Variants in CMSS1 observed in about 807,000 individuals in gnomAD.
CMSS1 encodes cms1 ribosomal small subunit homolog.
In CMSS1, 33 loss-of-function variants were observed where a neutral mutation model predicts 43.5. That is an observed-to-expected ratio of 0.76 (90% CI 0.57 to 1.01). The LOEUF (loss-of-function observed/expected upper bound fraction) is 1.01, where lower values mean the gene tolerates loss of function less well. Ranked by LOEUF, CMSS1 falls within the 50% of genes least tolerant of loss-of-function variation. CMSS1 has a pLI of 0.00. For synonymous variants in CMSS1, 115 were observed against 117.2 expected, an observed-to-expected ratio of 0.98 and a Z score of 0.12; for missense variants, 313 against 326.4, an observed-to-expected ratio of 0.96 and a Z score of 0.32.
chr3:100,048,526 G>A (rs2107310831), intron 1 of CMSS1, among the ~76,000 whole-genome samples: 1 of 152,290 alleles, frequency 6.6e-6, no homozygotes, highest in African/African-American at 2.4e-5. Flanking sequence ...ATATCTGTGG[G>A]TGCAAAGTTA....
chr3:99,957,772 A>G (rs536263929), intron 1 of CMSS1, among the ~76,000 whole-genome samples: 2 of 136,532 alleles, frequency 1.5e-5, no homozygotes, highest in South Asian at 4.5e-4. Context: ...GGTTCCATTC[A>G]GTGATATAAA....
At position 99,845,580 on chromosome 3, in the gene CMSS1, A is replaced by G. The variant is rs80186365; in HGVS notation, c.64+27537A>G. On this transcript the variant is annotated intron_variant, in intron 1 of 9. Coordinates refer to ENST00000421999, the MANE Select transcript of CMSS1 (RefSeq NM_032359.4). The stretch of plus-strand genomic sequence containing the variant: ...GGGGGAGTTCTATGATTATCTGTCA[A>G]TGAAAAAGGAAGTTCTGTAATCTTC... 6.8e-4 allele frequency among the ~76,000 whole-genome samples: 103 copies of G among 152,274 alleles called. 1 individual carries two copies. Among genetic ancestry groups the G allele is most frequent in the East Asian group, 5.8e-3 (30 of 5,186 alleles).
intron 1 of CMSS1, among the ~76,000 whole-genome samples, chr3:100,081,443 A>T (rs2065930339): frequency 1.3e-5 from 2 of 152,182 alleles, no homozygotes; most frequent in African/African-American, 4.8e-5. Context: ...TGTCAATGCT[A>T]GTCTCTTAGA....
intron 1 of CMSS1, among the ~76,000 whole-genome samples, chr3:99,821,814 G>C (rs1488348382): frequency 6.6e-6 from 1 of 152,180 alleles, no homozygotes; most frequent in Non-Finnish European, 1.5e-5. Flanking sequence ...GGGAGGCCAA[G>C]GTGGGCAGAT....
intron 1 of CMSS1, among the ~76,000 whole-genome samples, chr3:99,847,493 T>C (rs1348079219): frequency 6.6e-6 from 1 of 152,174 alleles, no homozygotes; most frequent in African/African-American, 2.4e-5. Context: ...AATGTAACTA[T>C]ATTTCCAAAT....
At chr3:99,818,779 C>T (rs151104651) in intron 1 of CMSS1, among the ~76,000 whole-genome samples, 1 of 152,300 alleles carries the variant, frequency 6.6e-6, no homozygotes, top group East Asian at 1.9e-4. Context: ...ATTCAGTTAA[C>T]ACAATTTGAA....
chr3:100,158,775 A>G (rs2066997811), intron 2 of CMSS1, among the ~76,000 whole-genome samples: 1 of 152,200 alleles, frequency 6.6e-6, no homozygotes. Flanking sequence ...TAAAGAGTCC[A>G]TATTCTTACA....
At chr3:99,991,649 G>A (rs1709513008) in intron 1 of CMSS1, among the ~76,000 whole-genome samples, 1 of 151,744 alleles carries the variant, frequency 6.6e-6, no homozygotes, top group Non-Finnish European at 1.5e-5. Context: ...ATTCTACTCT[G>A]TATGTCCATG....
intron 1 of CMSS1, among the ~76,000 whole-genome samples, chr3:99,900,057 G>A (rs1236906078): frequency 1.3e-5 from 2 of 152,204 alleles, no homozygotes; most frequent in Middle Eastern, 3.2e-3. Flanking sequence ...ATGTGAAAGC[G>A]ATTTGAAAAG....
At chr3:100,108,059 G>A (rs935145461) in intron 1 of CMSS1, among the ~76,000 whole-genome samples, 9 of 152,158 alleles carry the variant, frequency 5.9e-5, no homozygotes, top group African/African-American at 1.2e-4. Context: ...ATACCTGTCC[G>A]TGGATGTGTA....
At chr3:99,844,168 C>T (rs1289691244) in intron 1 of CMSS1, among the ~76,000 whole-genome samples, 1 of 152,078 alleles carries the variant, frequency 6.6e-6, no homozygotes, top group Non-Finnish European at 1.5e-5. Flanking sequence ...TATTGCTAGC[C>T]CAGAAAAAGA....
chr3:99,992,650 C>G (rs1473274690), intron 1 of CMSS1, among the ~76,000 whole-genome samples: 1 of 151,866 alleles, frequency 6.6e-6, no homozygotes, highest in African/African-American at 2.4e-5. Flanking sequence ...TTTTGGTATA[C>G]ACAAGCTTTT....
chr3:100,055,809 A>G (rs2065454432), intron 1 of CMSS1, among the ~76,000 whole-genome samples: 3 of 152,208 alleles, frequency 2.0e-5, no homozygotes, highest in Admixed American at 2.0e-4. Flanking sequence ...TTAATATTGT[A>G]CACATTCTTT....
chr3:100,012,754 G>A (rs1710194755), intron 1 of CMSS1, among the ~76,000 whole-genome samples: 1 of 143,712 alleles, frequency 7.0e-6, no homozygotes, highest in African/African-American at 2.5e-5. Flanking sequence ...GATCCAGGAA[G>A]CATATTCTTT....
intron 6 of CMSS1, 105 bp from the exon 7 acceptor site, chr3:100,171,734 C>T (rs146768236): frequency 1.8e-5 from 16 of 877,434 alleles, no homozygotes; most frequent in African/African-American, 1.2e-4. Context: ...TATATACACA[C>T]GTATGCACAC....
At chr3:99,988,908 G>A (rs537205963) in intron 1 of CMSS1, among the ~76,000 whole-genome samples, 105 of 152,208 alleles carry the variant, frequency 6.9e-4, no homozygotes, top group African/African-American at 1.6e-3. Flanking sequence ...TTCAGCACTC[G>A]GAGTAATTGG....
chr3:100,173,025 AT>A (rs1474264454), intron 8 of CMSS1, among the ~76,000 whole-genome samples: 1 of 152,158 alleles, frequency 6.6e-6, no homozygotes, highest in African/African-American at 2.4e-5. Context: ...CAAATTACTT[AT>A]GTATTATATA....
intron 2 of CMSS1, 41 bp downstream of exon 2, chr3:100,147,102 G>A (rs1316270729): frequency 1.2e-6 from 2 of 1,609,244 alleles, no homozygotes; most frequent in Non-Finnish European, 1.7e-6. Context: ...GTTAAATTCT[G>A]AAATCAGCCT....
intron 1 of CMSS1, among the ~76,000 whole-genome samples, chr3:99,928,514 G>A (rs1255939794): frequency 2.0e-5 from 3 of 152,166 alleles, no homozygotes; most frequent in Non-Finnish European, 4.4e-5. Context: ...ACTTTCAGGG[G>A]CACCTTACAG....
Sources: gnomAD v4.1 joint callset for allele counts (sites outside exome capture counted in the v4.1 genomes callset) on GRCh38, gnomAD v4.1.1 for gene constraint, MANE v1.5 for transcripts, NCBI Gene and HGNC (gene_info 2026-07-23, HGNC 2026-07-21) for gene names.